Variants in VNN1 observed in about 807,000 individuals in gnomAD.
The protein encoded by VNN1 is pantetheinase.
In VNN1, 29 loss-of-function variants were observed where a neutral mutation model predicts 41.9. That is an observed-to-expected ratio of 0.69 (90% CI 0.52 to 0.94). The LOEUF (loss-of-function observed/expected upper bound fraction) is 0.94, where lower values mean the gene tolerates loss of function less well. Ranked by LOEUF, VNN1 falls within the 40% of genes least tolerant of loss-of-function variation. The pLI is 0.00. For missense variants in VNN1, 637 were observed against 621.1 expected (o/e 1.03, Z -0.27); for synonymous variants, 233 against 224.4 (o/e 1.04, Z -0.34).
chr6:132,691,743 T>A (rs1374584991), intron 5 of VNN1, among the ~76,000 whole-genome samples: 1 of 152,190 alleles, frequency 6.6e-6, no homozygotes, highest in African/African-American at 2.4e-5. Flanking sequence ...ATGCCTATAA[T>A]CTCAACACTT....
chr6:132,695,580 C>A (rs1027635913), intron 2 of VNN1, among the ~76,000 whole-genome samples: 1 of 152,170 alleles, frequency 6.6e-6, no homozygotes, highest in African/African-American at 2.4e-5. Context: ...TGTATACATA[C>A]AGACACACCA....
At position 132,681,032 on chromosome 6, in the gene VNN1, A is replaced by C. The variant is rs1034713449; in HGVS notation, c.*2108T>G. Among the ~76,000 whole-genome samples, 2 of 152,194 alleles carry C rather than the reference A, an allele frequency of 1.3e-5. No individual in the cohort carries two copies. Among genetic ancestry groups the C allele is most frequent in the African/African-American group, 2.4e-5 (1 of 41,434 alleles). On this transcript the variant is annotated 3_prime_UTR_variant, in exon 7 of 7. Transcript: ENST00000367928. ...TATATACAGATATAAATATAAATAC[A>C]TATATTCACTATGATAGCATCCAAA...
At chr6:132,709,387 G>T (rs969404750) in intron 2 of VNN1, among the ~76,000 whole-genome samples, 19 of 152,026 alleles carry the variant, frequency 1.2e-4, no homozygotes, top group Non-Finnish European at 2.4e-4. Flanking sequence ...AATAAATTAA[G>T]GCAGCTGGGC....
chr6:132,682,919 G>C lies in VNN1; in HGVS notation c.*221C>G. The C allele has an allele frequency of 3.1e-6, 1 of 320,124 alleles. No homozygotes were observed. The highest frequency in any genetic ancestry group is 8.8e-4 in the Middle Eastern group (1 of 1,136). 19.8% of individuals were successfully genotyped at this position (320,124 alleles called of 1,614,324 possible). A position where few individuals can be genotyped will look rare whatever the true frequency, so the allele number is the denominator to read the frequency against. On this transcript the variant is annotated 3_prime_UTR_variant, in exon 7 of 7. Coordinates refer to ENST00000367928, the MANE Select transcript of VNN1 (RefSeq NM_004666.3). The stretch of plus-strand genomic sequence containing the variant: ...TACTTATTTGATATAATTAGCTCAC[G>C]TCCAAGAAAGACCAATGTTCAAATA...
At position 132,711,413 on chromosome 6, in the gene VNN1, A is replaced by G. The variant is rs45492896; in HGVS notation, c.341+296T>C. Among the ~76,000 whole-genome samples the G allele has an allele frequency of 7.0e-3, 1,048 of 150,186 alleles. 15 individuals carry two copies. Among genetic ancestry groups the G allele is most frequent in the African/African-American group, 0.024 (993 of 40,872 alleles). On this transcript the variant is annotated intron_variant, in intron 2 of 6. Coordinates refer to ENST00000367928, the MANE Select transcript of VNN1 (RefSeq NM_004666.3). ...ACTCTCTTTTGCCATTTACTCATAT[A>G]GTTTTCAAATCACAGACCTACACAG...
At chr6:132,707,348 T>G (rs1358911143) in intron 2 of VNN1, among the ~76,000 whole-genome samples, 3 of 152,104 alleles carry the variant, frequency 2.0e-5, no homozygotes, top group African/African-American at 7.2e-5. Flanking sequence ...TTAGTGGGAA[T>G]GCAAATTAGT....
At position 132,681,267 on chromosome 6, in the gene VNN1, C is replaced by A. The variant is rs1456304495; in HGVS notation, c.*1873G>T. ...CTCAGTATCATTGCTCTAGGAGAAG[C>A]CAGATGACATTTTATGAAAGTTTTT... is the stretch of plus-strand genomic sequence containing the variant. On this transcript the variant is annotated 3_prime_UTR_variant, in exon 7 of 7. Coordinates refer to ENST00000367928, the MANE Select transcript of VNN1 (RefSeq NM_004666.3). Among the ~76,000 whole-genome samples, 1 of 152,122 alleles carries A rather than the reference C, an allele frequency of 6.6e-6. No homozygotes were observed. The highest frequency in any genetic ancestry group is 1.5e-5 in the Non-Finnish European group (1 of 68,018).
chr6:132,684,277 A>G (rs1410367664), intron 6 of VNN1, 58 bp downstream of exon 6: 16 of 1,524,998 alleles, frequency 1.0e-5, no homozygotes, highest in East Asian at 2.3e-5. Context: ...GCAGATTTTT[A>G]TATCAAAAAG....
Position 132,711,836 on chromosome 6 carries a change from C to T in VNN1, c.214G>A (p.Ala72Thr), listed in dbSNP as rs748738675. ...GAITSAADQGAHIIVTPEDAI... is the reference protein window; with the variant it reads ...GAITSAADQGTHIIVTPEDAI... Reference sequence around the variant, plus strand: ...TCTTCTGGAGTCACAATAATATGCGCACCCTGTTAAAAATGCAACTTAATC... The same window carrying T: ...TCTTCTGGAGTCACAATAATATGCGTACCCTGTTAAAAATGCAACTTAATC... Residue 72 changes from alanine (A) to threonine (T), a missense_variant, in exon 2 of 7, where the codon GCG becomes ACG. By Grantham distance (58) the Ala-to-Thr change is moderately conservative. Transcript: ENST00000367928. The T allele has an allele frequency of 3.1e-6, 5 of 1,613,100 alleles. No homozygotes were observed.
intron 1 of VNN1, among the ~76,000 whole-genome samples, chr6:132,713,060 G>A (rs761337165): frequency 3.9e-5 from 6 of 152,154 alleles, no homozygotes; most frequent in African/African-American, 9.7e-5. Flanking sequence ...ACCTGAGCCC[G>A]GGAAGTCAAG....
chr6:132,703,111 C>T (rs1051491668), intron 2 of VNN1, among the ~76,000 whole-genome samples: 1 of 152,274 alleles, frequency 6.6e-6, no homozygotes, highest in Middle Eastern at 3.4e-3. Context: ...TTTCTAGACC[C>T]ACCCTGAGCC....
At chr6:132,699,911 A>G (rs944510613) in intron 2 of VNN1, among the ~76,000 whole-genome samples, 1 of 152,212 alleles carries the variant, frequency 6.6e-6, no homozygotes, top group Admixed American at 6.5e-5. Flanking sequence ...CCATTTCATG[A>G]TCTTTTCAGC....
chr6:132,709,437 C>T (rs983362027), intron 2 of VNN1, among the ~76,000 whole-genome samples: 11 of 151,982 alleles, frequency 7.2e-5, no homozygotes, highest in African/African-American at 2.4e-4. Context: ...TTTGGGAGGC[C>T]GAGCAGGTGG....
At position 132,692,523 on chromosome 6, in the gene VNN1, C is replaced by G. The variant is rs45523444; in HGVS notation, c.888G>C (p.Glu296Asp). The G allele has an allele frequency of 2.1e-3, 3,417 of 1,610,890 alleles. 60 individuals are homozygous for G. The African/African-American group carries it at 0.039, about 18-fold the overall frequency. ...CCAGTTGCGAGAGGAGGAGTTTTCC[C>G]TCTTCTGTCTTCATATCATAATGAA... ...RAFHYDMKTEEGKLLLSQLDS... is the reference protein window; with the variant it reads ...RAFHYDMKTEDGKLLLSQLDS... The change falls in exon 5 of 7, where the codon GAG becomes GAC. Residue 296 changes from glutamate (E) to aspartate (D), a missense_variant. Glu to Asp is a conservative substitution (Grantham distance 45, BLOSUM62 2). Coordinates refer to ENST00000367928, the MANE Select transcript of VNN1 (RefSeq NM_004666.3).
intron 1 of VNN1, among the ~76,000 whole-genome samples, chr6:132,712,321 T>C (rs552881265): frequency 6.6e-6 from 1 of 152,238 alleles, no homozygotes; most frequent in South Asian, 2.1e-4. Flanking sequence ...GGCTAATTTT[T>C]GTATTTTTAG....
intron 2 of VNN1, among the ~76,000 whole-genome samples, chr6:132,705,653 G>T (rs988248368): frequency 6.6e-6 from 1 of 152,134 alleles, no homozygotes; most frequent in African/African-American, 2.4e-5. Flanking sequence ...CAACATAGTA[G>T]TGGAGGTTCT....
chr6:132,687,366 G>A (rs1038938027), intron 5 of VNN1, among the ~76,000 whole-genome samples: 13 of 152,152 alleles, frequency 8.5e-5, no homozygotes, highest in Admixed American at 5.2e-4. Context: ...CTCTCTTTCC[G>A]GAAACTGTTA....
chr6:132,713,150 T>A (rs1032279698), intron 1 of VNN1, among the ~76,000 whole-genome samples: 9 of 152,132 alleles, frequency 5.9e-5, no homozygotes, highest in African/African-American at 9.7e-5. Flanking sequence ...CACAAAAGAA[T>A]ATATATTTAT....
chr6:132,684,763 T>C (rs145557006), intron 5 of VNN1, among the ~76,000 whole-genome samples: 1 of 152,274 alleles, frequency 6.6e-6, no homozygotes, highest in African/African-American at 2.4e-5. Flanking sequence ...ACTCTCTTGA[T>C]CTAGAAAAAT....
Sources: gnomAD v4.1 joint callset for allele counts (sites outside exome capture counted in the v4.1 genomes callset) on GRCh38, gnomAD v4.1.1 for gene constraint, MANE v1.5 for transcripts, NCBI Gene and HGNC (gene_info 2026-07-23, HGNC 2026-07-21) for gene names.